The following GRID1 variants were observed in gnomAD, a reference collection of about 807,000 sequenced individuals.
The protein encoded by GRID1 is glutamate receptor ionotropic, delta-1.
Under a neutral mutation model 98.0 loss-of-function variants are expected in GRID1, and 28 were observed. The ratio of observed to expected loss-of-function variants is 0.29; its 90% confidence interval spans 0.21 to 0.39. The LOEUF (loss-of-function observed/expected upper bound fraction) is 0.39, where lower values mean the gene tolerates loss of function less well. GRID1 is among the 10% of genes least tolerant of loss of function. The probability of loss-of-function intolerance (pLI) is 1.00; values close to 1 mark genes in which losing one functional copy is unlikely to be tolerated. For synonymous variants in GRID1, 553 were observed against 538.5 expected, an observed-to-expected ratio of 1.03 and a Z score of -0.37; for missense variants, 1,111 against 1,340.5, an observed-to-expected ratio of 0.83 and a Z score of 2.67.
chr10:86,258,941 C>A (rs778960669), intron 2 of GRID1, among the ~76,000 whole-genome samples: 1 of 152,130 alleles, frequency 6.6e-6, no homozygotes, highest in Non-Finnish European at 1.5e-5. Context: ...TGGAACTGAA[C>A]GAAGAACTGA....
intron 2 of GRID1, among the ~76,000 whole-genome samples, chr10:86,262,925 C>T (rs1847039929): frequency 6.6e-6 from 1 of 152,164 alleles, no homozygotes; most frequent in Admixed American, 6.5e-5. Context: ...CCCAGGCCGG[C>T]ATCGCCCGCC....
chr10:85,660,420 A>G (rs1195654430), intron 12 of GRID1, among the ~76,000 whole-genome samples: 2 of 152,206 alleles, frequency 1.3e-5, no homozygotes, highest in Admixed American at 1.3e-4. Flanking sequence ...AGGTTGTTGG[A>G]AAGTACACAG....
rs920399783 is a variant in GRID1, at chr10:85,936,229, C to T, written c.727-19990G>A. ...TTAGCTAGAAAGACAGCCTAAGAAA[C>T]ACCAAATTTTAATTCTTCTAAGGCT... On this transcript the variant is annotated intron_variant, in intron 4 of 15. Transcript: ENST00000327946. 2.3e-4 allele frequency among the ~76,000 whole-genome samples: 35 copies of T among 152,300 alleles called. 1 individual carries two copies. Among genetic ancestry groups the T allele is most frequent in the African/African-American group, 8.4e-4 (35 of 41,566 alleles).
intron 1 of GRID1, among the ~76,000 whole-genome samples, 160 bp from the exon 2 acceptor site, chr10:86,364,256 C>T (rs1848644743): frequency 6.6e-6 from 1 of 152,132 alleles, no homozygotes; most frequent in African/African-American, 2.4e-5. Context: ...TCTCCGATCT[C>T]CACCTGCACA....
At chr10:85,951,849 G>A (rs1366241145) in intron 4 of GRID1, among the ~76,000 whole-genome samples, 1 of 152,164 alleles carries the variant, frequency 6.6e-6, no homozygotes, top group Non-Finnish European at 1.5e-5. Flanking sequence ...CATGGCCAAT[G>A]CTGCTGGAGA....
At chr10:86,015,402 T>G (rs1842967870) in intron 4 of GRID1, among the ~76,000 whole-genome samples, 1 of 152,262 alleles carries the variant, frequency 6.6e-6, no homozygotes, top group Admixed American at 6.5e-5. Flanking sequence ...CAAAGATGCT[T>G]AATGGGGTTA....
At chr10:85,802,838 AACACACACACACACACAC>A (rs59101010) in intron 8 of GRID1, among the ~76,000 whole-genome samples, 28 of 120,878 alleles carry the variant, frequency 2.3e-4, no homozygotes, top group African/African-American at 5.7e-4. Flanking sequence ...AAGCAGAATA[AACACACACACACACACAC>A]ACACACACAC....
intron 4 of GRID1, among the ~76,000 whole-genome samples, chr10:86,068,270 C>T (rs1843748377): frequency 6.6e-6 from 1 of 152,112 alleles, no homozygotes; most frequent in Non-Finnish European, 1.5e-5. Context: ...CATGTCACCA[C>T]GTTACTTCCC....
chr10:86,016,629 A>G (rs1284803650), intron 4 of GRID1, among the ~76,000 whole-genome samples: 1 of 152,212 alleles, frequency 6.6e-6, no homozygotes, highest in Non-Finnish European at 1.5e-5. Context: ...TGGAATATAC[A>G]ATGAATGAAG....
In GRID1 at chr10:85,903,566, C is replaced by CA. The variant is rs1458596602; in HGVS notation, c.780+12619dup. On this transcript the variant is annotated intron_variant, in intron 5 of 15. Coordinates refer to ENST00000327946, the MANE Select transcript of GRID1 (RefSeq NM_017551.3). Reference sequence around the variant, plus strand: ...TAAGGCAGCTACCAGGGTATAGTTTCAAAAAAATATATATATATATTGCCC... The same window carrying CA: ...TAAGGCAGCTACCAGGGTATAGTTTCAAAAAAAATATATATATATATTGCCC... 1.2e-4 allele frequency among the ~76,000 whole-genome samples: 19 copies of CA among 152,012 alleles called. 1 individual carries two copies. The highest frequency in any genetic ancestry group is 1.2e-3 in the Admixed American group (19 of 15,258).
At chr10:85,909,596 T>C (rs938661214) in intron 5 of GRID1, among the ~76,000 whole-genome samples, 1 of 152,208 alleles carries the variant, frequency 6.6e-6, no homozygotes, top group Non-Finnish European at 1.5e-5. Flanking sequence ...TGCTACACAT[T>C]GCAACATAAG....
chr10:85,928,022 T>G (rs542535390), intron 4 of GRID1, among the ~76,000 whole-genome samples: 17 of 152,114 alleles, frequency 1.1e-4, no homozygotes, highest in South Asian at 1.0e-3. Flanking sequence ...GAAAACTGAG[T>G]AAGGTACAAG....
chr10:86,268,203 C>T (rs558951826), intron 2 of GRID1, among the ~76,000 whole-genome samples: 2 of 152,340 alleles, frequency 1.3e-5, no homozygotes, highest in South Asian at 4.1e-4. Context: ...AACTGCTACC[C>T]GGTATGCTCC....
chr10:85,820,805 C>T (rs1053747792), intron 8 of GRID1, among the ~76,000 whole-genome samples: 2 of 152,130 alleles, frequency 1.3e-5, no homozygotes, highest in Non-Finnish European at 2.9e-5. Context: ...AATGTTAATA[C>T]ATTGCTGAAG....
chr10:85,875,789 T>C (rs1768318569), intron 5 of GRID1, among the ~76,000 whole-genome samples: 1 of 152,238 alleles, frequency 6.6e-6, no homozygotes, highest in African/African-American at 2.4e-5. Context: ...TAATTCAATC[T>C]TTCTTTGTAT....
chr10:85,717,849 T>A (rs1320593179), intron 12 of GRID1, among the ~76,000 whole-genome samples: 1 of 152,098 alleles, frequency 6.6e-6, no homozygotes, highest in Non-Finnish European at 1.5e-5. Context: ...ATACAGCCAT[T>A]CTAAATGGGA....
chr10:85,987,911 G>C (rs1010078323), intron 4 of GRID1, among the ~76,000 whole-genome samples: 2 of 151,990 alleles, frequency 1.3e-5, no homozygotes, highest in Middle Eastern at 3.4e-3. Flanking sequence ...GCCATTTTTT[G>C]TGTAATGCCT....
intron 3 of GRID1, among the ~76,000 whole-genome samples, chr10:86,163,872 A>C (rs185584636): frequency 3.5e-4 from 53 of 152,334 alleles, no homozygotes; most frequent in African/African-American, 1.3e-3. Context: ...GAGAGGAGGA[A>C]GAGTGGCCCA....
At chr10:85,812,154 A>G (rs569066023) in intron 8 of GRID1, among the ~76,000 whole-genome samples, 10 of 152,324 alleles carry the variant, frequency 6.6e-5, no homozygotes, top group South Asian at 2.1e-4. Context: ...CAAAAACTAC[A>G]GGAATGATTC....
Sources: allele counts gnomAD v4.1 joint callset (sites outside exome capture counted in the v4.1 genomes callset), GRCh38; gene constraint gnomAD v4.1.1; transcripts MANE v1.5; gene names NCBI Gene and HGNC (gene_info 2026-07-23, HGNC 2026-07-21).